The following SGCZ variants were observed in gnomAD, a reference collection of about 807,000 sequenced individuals.
SGCZ encodes zeta-sarcoglycan.
In SGCZ, 40 loss-of-function variants were observed where a neutral mutation model predicts 41.3. The observed-to-expected ratio is 0.97, with a 90% CI of 0.75 to 1.26. The LOEUF is 1.26. Ranked by LOEUF, SGCZ falls within the 50% of genes most tolerant of loss-of-function variation. The probability of loss-of-function intolerance (pLI) is 0.00; values close to 1 mark genes in which losing one functional copy is unlikely to be tolerated. For synonymous variants in SGCZ, 206 were observed against 137.5 expected (o/e 1.50, Z -3.49); for missense variants, 552 against 369.8 (o/e 1.49, Z -4.04).
At chr8:15,186,322 T>TAGTCCAAG (rs1800343664) in intron 1 of SGCZ, among the ~76,000 whole-genome samples, 1 of 141,530 alleles carries the variant, frequency 7.1e-6, no homozygotes. Flanking sequence ...TCGCATGTAG[T>TAGTCCAAG]AGTCCAAAGA....
chr8:14,711,697 A>G (rs1809524179), intron 1 of SGCZ, among the ~76,000 whole-genome samples: 1 of 151,806 alleles, frequency 6.6e-6, no homozygotes, highest in South Asian at 2.1e-4. Context: ...CATATTTACC[A>G]TGTAGCATTA....
At chr8:14,181,659 C>G (rs1270864113) in intron 4 of SGCZ, among the ~76,000 whole-genome samples, 1 of 152,202 alleles carries the variant, frequency 6.6e-6, no homozygotes, top group Non-Finnish European at 1.5e-5. Context: ...CTCACAAGAT[C>G]TGATGGTTTT....
chr8:14,599,602 A>T (rs1338935885), intron 1 of SGCZ, among the ~76,000 whole-genome samples: 1 of 152,184 alleles, frequency 6.6e-6, no homozygotes, highest in South Asian at 2.1e-4. Context: ...AAACTGAATA[A>T]GGCTGGAAAA....
At chr8:14,603,662 AT>A (rs1416973603) in intron 1 of SGCZ, among the ~76,000 whole-genome samples, 1 of 152,198 alleles carries the variant, frequency 6.6e-6, no homozygotes, top group Non-Finnish European at 1.5e-5. Flanking sequence ...TGCAATTTAG[AT>A]ATGATTGATT....
At chr8:15,128,866 T>C (rs1807798816) in intron 1 of SGCZ, among the ~76,000 whole-genome samples, 1 of 152,186 alleles carries the variant, frequency 6.6e-6, no homozygotes, top group Non-Finnish European at 1.5e-5. Flanking sequence ...ACACAACCTC[T>C]GGAGAATAAG....
chr8:14,439,014 C>T (rs556728093), intron 2 of SGCZ, among the ~76,000 whole-genome samples: 10 of 152,020 alleles, frequency 6.6e-5, no homozygotes, highest in African/African-American at 1.7e-4. Flanking sequence ...GGATCTTTCA[C>T]GAAGCTTCCT....
At chr8:14,228,653 G>C (rs1452547661) in intron 4 of SGCZ, among the ~76,000 whole-genome samples, 2 of 151,838 alleles carry the variant, frequency 1.3e-5, no homozygotes, top group African/African-American at 4.8e-5. Flanking sequence ...AAGGAGATGG[G>C]GGCGGCCTAA....
chr8:15,014,622 G>T (rs1802955906), intron 1 of SGCZ, among the ~76,000 whole-genome samples: 1 of 152,110 alleles, frequency 6.6e-6, no homozygotes, highest in Non-Finnish European at 1.5e-5. Context: ...CATAGCATTT[G>T]GCTACTCAGC....
chr8:14,757,586 G>A (rs1404932470), intron 1 of SGCZ, among the ~76,000 whole-genome samples: 3 of 152,146 alleles, frequency 2.0e-5, no homozygotes, highest in African/African-American at 7.2e-5. Flanking sequence ...ACATAAAAAG[G>A]AGGCAGAAAT....
At chr8:14,351,103 C>G (rs1166099375) in intron 2 of SGCZ, among the ~76,000 whole-genome samples, 1 of 152,008 alleles carries the variant, frequency 6.6e-6, no homozygotes, top group Non-Finnish European at 1.5e-5. Context: ...CTTTCCTCTT[C>G]CTAATTTTCA....
intron 5 of SGCZ, among the ~76,000 whole-genome samples, chr8:14,156,369 G>C (rs1357952291): frequency 6.6e-6 from 1 of 152,068 alleles, no homozygotes; most frequent in African/African-American, 2.4e-5. Flanking sequence ...GCTGAGGCGG[G>C]AGAATGGCAT....
At chr8:14,728,355 A>T (rs1161751077) in intron 1 of SGCZ, among the ~76,000 whole-genome samples, 3 of 150,366 alleles carry the variant, frequency 2.0e-5, no homozygotes, top group Non-Finnish European at 4.4e-5. Flanking sequence ...GAAAAAAAAA[A>T]AAGTAGAACC....
Position 15,091,735 on chromosome 8 carries a change from A to T in SGCZ, c.39+145850T>A, listed in dbSNP as rs75029343. Among the ~76,000 whole-genome samples, 1,159 of 152,238 alleles carry T rather than the reference A, an allele frequency of 7.6e-3. 14 individuals carry two copies. Among genetic ancestry groups the T allele is most frequent in the African/African-American group, 0.026 (1,078 of 41,554 alleles). On this transcript the variant is annotated intron_variant, in intron 1 of 7. Transcript: ENST00000382080. ...GACATTATAGCAAAAGTTCAATAAG[A>T]GGACTCCTAATTTATTTTTAATATT...
chr8:14,221,857 AG>A (rs1806206464), intron 4 of SGCZ, among the ~76,000 whole-genome samples: 1 of 152,002 alleles, frequency 6.6e-6, no homozygotes, highest in African/African-American at 2.4e-5. Context: ...TAATCTCGGG[AG>A]ACTGAGGCAG....
In SGCZ at chr8:14,456,207, G is replaced by C. The variant is rs771600540; in HGVS notation, c.234+98525C>G. 4.6e-5 allele frequency among the ~76,000 whole-genome samples: 7 copies of C among 152,212 alleles called. No homozygotes were observed. In the East Asian group the frequency reaches 1.4e-3, roughly 29 times the overall value. On this transcript the variant is annotated intron_variant, in intron 2 of 7. Coordinates refer to ENST00000382080, the MANE Select transcript of SGCZ (RefSeq NM_139167.4). ...GCAAATCACCTGAGGTCAGGAGTTT[G>C]AGACCATCCTGACCAACATAGTGAA...
At chr8:14,785,306 C>G (rs1392111502) in intron 1 of SGCZ, among the ~76,000 whole-genome samples, 1 of 151,934 alleles carries the variant, frequency 6.6e-6, no homozygotes. Flanking sequence ...CCTTTCTCAA[C>G]TGAGATCTGG....
chr8:14,869,674 G>A (rs915092666), intron 1 of SGCZ, among the ~76,000 whole-genome samples: 1 of 152,140 alleles, frequency 6.6e-6, no homozygotes, highest in African/African-American at 2.4e-5. Context: ...TGACATAAAT[G>A]TATATTTAGA....
Position 14,886,015 on chromosome 8 carries a change from AT to A in SGCZ, c.40-331090del, listed in dbSNP as rs1563339130. Among the ~76,000 whole-genome samples, 396 of 122,290 alleles carry A rather than the reference AT, an allele frequency of 3.2e-3. 5 individuals are homozygous for A. The highest frequency in any genetic ancestry group is 0.011 in the African/African-American group (379 of 33,232). 80.2% of individuals were successfully genotyped at this position (122,290 alleles called of 152,430 possible). On this transcript the variant is annotated intron_variant, in intron 1 of 7. Transcript: ENST00000382080. ...TATATATATATATATATATATATATATATATATATATATATATATAAAATTG... is the reference window on the plus strand; with the variant it reads ...TATATATATATATATATATATATATAATATATATATATATATATAAAATTG...
intron 5 of SGCZ, among the ~76,000 whole-genome samples, chr8:14,126,029 G>T (rs1437821718): frequency 2.0e-5 from 3 of 152,158 alleles, no homozygotes; most frequent in African/African-American, 7.2e-5. Flanking sequence ...AAAAACCCTA[G>T]AAGAAAGGCT....
Sources: allele counts gnomAD v4.1 joint callset (sites outside exome capture counted in the v4.1 genomes callset), GRCh38; gene constraint gnomAD v4.1.1; transcripts MANE v1.5; gene names NCBI Gene and HGNC (gene_info 2026-07-23, HGNC 2026-07-21).